Variants in ASTN2 observed in about 807,000 individuals in gnomAD.
ASTN2 encodes astrotactin-2.
A neutral mutation model predicts 139.8 loss-of-function variants in ASTN2; 54 were observed. The observed-to-expected ratio is 0.39, with a 90% confidence interval of 0.31 to 0.48. The LOEUF (loss-of-function observed/expected upper bound fraction) is 0.48. ASTN2 is among the 20% of genes least tolerant of loss of function. ASTN2 has a pLI of 0.95. For missense variants in ASTN2, 1,565 were observed against 1,725.1 expected (o/e 0.91, Z 1.64); for synonymous variants, 756 against 719.5 (o/e 1.05, Z -0.81).
At chr9:117,006,982 T>C (rs1837371824) in intron 7 of ASTN2, among the ~76,000 whole-genome samples, 1 of 152,064 alleles carries the variant, frequency 6.6e-6, no homozygotes, top group Admixed American at 6.6e-5. Flanking sequence ...CGACGTGTGG[T>C]GATGCGTGCC....
chr9:116,817,676 A>G (rs1314968202), intron 12 of ASTN2, among the ~76,000 whole-genome samples: 1 of 152,240 alleles, frequency 6.6e-6, no homozygotes, highest in African/African-American at 2.4e-5. Flanking sequence ...TCACTGTTTT[A>G]GCTCCTGGAG....
At chr9:117,237,655 A>G (rs758856360) in intron 2 of ASTN2, among the ~76,000 whole-genome samples, 1 of 151,896 alleles carries the variant, frequency 6.6e-6, no homozygotes, top group South Asian at 2.1e-4. Context: ...AATTTTTTCT[A>G]TTTTTAGTAG....
chr9:116,844,316 G>A (rs184290218), intron 11 of ASTN2, among the ~76,000 whole-genome samples: 161 of 152,262 alleles, frequency 1.1e-3, no homozygotes, highest in African/African-American at 3.2e-3. Flanking sequence ...CAGGTGGGAC[G>A]GTTTCTGGGT....
At chr9:116,871,253 G>A (rs761172626) in intron 10 of ASTN2, among the ~76,000 whole-genome samples, 1 of 152,202 alleles carries the variant, frequency 6.6e-6, no homozygotes, top group Admixed American at 6.5e-5. Flanking sequence ...GCGAGACTCC[G>A]TCTCAAAATA....
intron 10 of ASTN2, among the ~76,000 whole-genome samples, chr9:116,954,953 G>C (rs749738635): frequency 5.3e-5 from 8 of 152,208 alleles, no homozygotes; most frequent in African/African-American, 7.2e-5. Flanking sequence ...TCCAAGTAAT[G>C]GTTATATGTG....
rs181571159 is a variant in ASTN2 at position 116,654,224 on chromosome 9, T to C, written c.2807-2431A>G. 3.2e-3 allele frequency among the ~76,000 whole-genome samples: 487 copies of C among 152,322 alleles called. 3 individuals carry two copies. Among genetic ancestry groups the C allele is most frequent in the South Asian group, 0.015 (73 of 4,830 alleles). ...TCCAGCTTGTGTAAATAAAGTTTTA[T>C]TGGAACACAGCCACCCCCATTCATT... On this transcript the variant is annotated intron_variant, in intron 16 of 22. Transcript: ENST00000313400.
intron 2 of ASTN2, among the ~76,000 whole-genome samples, chr9:117,231,889 C>A (rs1469142337): frequency 3.3e-5 from 5 of 152,100 alleles, no homozygotes. Context: ...GTTCTCTGTC[C>A]CGACCTAGAG....
Position 117,048,963 on chromosome 9 carries a change from C to CTTTTT in ASTN2, c.1277-9003_1277-8999dup, listed in dbSNP as rs372277811. 6.6e-4 allele frequency among the ~76,000 whole-genome samples: 59 copies of CTTTTT among 89,032 alleles called. 4 individuals carry two copies. The highest frequency in any genetic ancestry group is 1.4e-3 in the African/African-American group (36 of 24,996). 58.4% of individuals were successfully genotyped at this position (89,032 alleles called of 152,430 possible). ...GTGCGCTCTGATTCTTCATCCATTG[C>CTTTTT]TTTTTTTTTTTTTTTTTGAGACGGA... On this transcript the variant is annotated intron_variant, in intron 5 of 22. Transcript: ENST00000313400.
chr9:117,259,439 C>T (rs1374539627), intron 2 of ASTN2, among the ~76,000 whole-genome samples: 7 of 152,124 alleles, frequency 4.6e-5, no homozygotes, highest in African/African-American at 1.7e-4. Context: ...ATTATGCCCT[C>T]CTCCCTTTGG....
At position 116,948,914 on chromosome 9, in the gene ASTN2, C is replaced by G. The variant is rs1835481421; in HGVS notation, c.1889+26294G>C. ...TTGAGCCATTCTCCTGCCTCAGCCT[C>G]CCGAGTAGCTGGGATTACATGCACA... On this transcript the variant is annotated intron_variant, in intron 10 of 22. Coordinates refer to ENST00000313400, the MANE Select transcript of ASTN2 (RefSeq NM_001365068.1). Among the ~76,000 whole-genome samples, 3 of 149,948 alleles carry G rather than the reference C, an allele frequency of 2.0e-5. No homozygotes were observed. The South Asian group carries it at 6.4e-4, about 32-fold the overall frequency.
At chr9:116,428,775 T>C (rs1203236226) in intron 22 of ASTN2, among the ~76,000 whole-genome samples, 1 of 152,180 alleles carries the variant, frequency 6.6e-6, no homozygotes, top group East Asian at 1.9e-4. Flanking sequence ...CTGAGTGAAG[T>C]GCTTTACCAC....
intron 3 of ASTN2, among the ~76,000 whole-genome samples, chr9:117,155,009 C>A (rs945936075): frequency 1.3e-5 from 2 of 152,048 alleles, no homozygotes; most frequent in Middle Eastern, 6.8e-3. Context: ...TGATCTTAAC[C>A]ACTCTGAAAT....
chr9:116,700,047 ATT>A (rs1248218825), intron 16 of ASTN2: 1 of 336,450 alleles, frequency 3.0e-6, no homozygotes, highest in Non-Finnish European at 5.8e-6. Flanking sequence ...TAAATCCTTG[ATT>A]TTTTCCCATT....
Position 116,424,864 on chromosome 9 carries a change from C to T in ASTN2, c.*987G>A, listed in dbSNP as rs1269038508. The stretch of plus-strand genomic sequence containing the variant: ...CTGGCCTCCCAAAGTGCTAGGATTA[C>T]AGGCATGAGCCACTGTGCCTGGCAA... On this transcript the variant is annotated 3_prime_UTR_variant, in exon 23 of 23. Coordinates refer to ENST00000313400, the MANE Select transcript of ASTN2 (RefSeq NM_001365068.1). 6.6e-6 allele frequency among the ~76,000 whole-genome samples: 1 copy of T among 152,154 alleles called. No individual in the cohort carries two copies. Among genetic ancestry groups the T allele is most frequent in the African/African-American group, 2.4e-5 (1 of 41,438 alleles).
chr9:116,466,723 G>A (rs1270325917), intron 20 of ASTN2, among the ~76,000 whole-genome samples: 2 of 152,152 alleles, frequency 1.3e-5, no homozygotes, highest in African/African-American at 2.4e-5. Flanking sequence ...CATACCCTTA[G>A]AGAATAAATA....
chr9:117,111,461 TAATTA>T (rs201765945), intron 4 of ASTN2, among the ~76,000 whole-genome samples: 2,233 of 151,236 alleles, frequency 0.015, 63 homozygotes, highest in African/African-American at 0.051. Context: ...TGGATGGGCT[TAATTA>T]AATGAAGAAA....
intron 19 of ASTN2, among the ~76,000 whole-genome samples, chr9:116,520,703 G>A (rs1850832925): frequency 6.6e-6 from 1 of 152,032 alleles, no homozygotes; most frequent in Non-Finnish European, 1.5e-5. Flanking sequence ...TAAAGTGGAA[G>A]CCAAACTCTC....
At chr9:117,019,620 C>G (rs1466277073) in intron 6 of ASTN2, among the ~76,000 whole-genome samples, 1 of 151,992 alleles carries the variant, frequency 6.6e-6, no homozygotes, top group Non-Finnish European at 1.5e-5. Flanking sequence ...CAAATGAAGG[C>G]CCTGGGGATC....
intron 19 of ASTN2, among the ~76,000 whole-genome samples, chr9:116,534,398 TGC>T (rs1388149847): frequency 7.9e-5 from 12 of 152,224 alleles, no homozygotes; most frequent in African/African-American, 2.9e-4. Flanking sequence ...TCTTGCCTTC[TGC>T]TAGTTTTTGA....
Sources: allele counts gnomAD v4.1 joint callset (sites outside exome capture counted in the v4.1 genomes callset), GRCh38; gene constraint gnomAD v4.1.1; transcripts MANE v1.5; gene names NCBI Gene and HGNC (gene_info 2026-07-23, HGNC 2026-07-21).